Variants in VPS13A observed in about 807,000 individuals in gnomAD.
VPS13A encodes the protein vacuolar protein sorting 13 homolog A.
In VPS13A, 264 loss-of-function variants were observed where a neutral mutation model predicts 390.9. The observed-to-expected ratio is 0.68, with a 90% confidence interval of 0.61 to 0.75. The LOEUF is 0.75. Among genes scored for constraint, VPS13A ranks in the 30% least tolerant of loss-of-function variants. VPS13A has a pLI of 0.00. For synonymous variants in VPS13A, 1,231 were observed against 1,227.1 expected, an observed-to-expected ratio of 1.00 and a Z score of -0.07; for missense variants, 3,409 against 3,733.9, an observed-to-expected ratio of 0.91 and a Z score of 2.27.
intron 16 of VPS13A, 26 bp downstream of exon 16, chr9:77,227,511 T>A: frequency 2.7e-6 from 4 of 1,481,290 alleles, no homozygotes; most frequent in African/African-American, 1.4e-5. Flanking sequence ...GCCTTATACC[T>A]TAGAATATAT....
intron 68 of VPS13A, among the ~76,000 whole-genome samples, chr9:77,389,551 C>G (rs1485367013): frequency 6.6e-6 from 1 of 152,118 alleles, no homozygotes; most frequent in East Asian, 1.9e-4. Context: ...GCGATCCTAC[C>G]GCTTCAGCCT....
Position 77,227,468 on chromosome 9 carries a change from C to A in VPS13A, c.1435C>A (p.Pro479Thr). Residue 479 changes from proline to threonine, a missense_variant, in exon 16 of 72, where the codon CCA becomes ACA. Physicochemically the swap from Pro to Thr is conservative, Grantham distance 38. This residue lies in a region of VPS13A where 2,717 missense variants were observed against 2,917.4 expected (regional missense o/e 0.93). Coordinates refer to ENST00000360280, the MANE Select transcript of VPS13A (RefSeq NM_033305.3). ...TGGCTATAGTGAAACAGCAGTTGAT[C>A]CAACTTTACTAAAAACAGTAAGATG... ...AIGYSETAVD[P>T]TLLKTFEALK... The A allele has an allele frequency of 6.2e-7, 1 of 1,612,282 alleles. No homozygotes were observed. The highest frequency in any genetic ancestry group is 1.1e-5 in the South Asian group (1 of 91,040).
intron 41 of VPS13A, among the ~76,000 whole-genome samples, chr9:77,319,187 C>A (rs1353325468): frequency 1.6e-5 from 2 of 125,980 alleles, no homozygotes; most frequent in African/African-American, 6.2e-5. Context: ...CAAAGTGAGA[C>A]CCAGACTCAA....
At position 77,351,220 on chromosome 9, in the gene VPS13A, C is replaced by CA. The variant is rs1587639843; in HGVS notation, c.7290-96dup. 51 of 1,474,186 alleles carry CA rather than the reference C, an allele frequency of 3.5e-5. No homozygotes were observed. In the East Asian group the frequency reaches 1.2e-3, roughly 34 times the overall value. The allele number at this position is 1,474,186 out of a possible 1,614,324, so 91.3% of individuals were successfully genotyped here. A position where few individuals can be genotyped will look rare whatever the true frequency, so the allele number is the denominator to read the frequency against. On this transcript the variant is annotated intron_variant, in intron 52 of 71. Coordinates refer to ENST00000360280, the MANE Select transcript of VPS13A (RefSeq NM_033305.3). ...TTTTAATCAGAACGATCACAGATCT[C>CA]AGTGAACTAAGAATTAATGAAGTAT...
At position 77,250,148 on chromosome 9, in the gene VPS13A, A is replaced by G. The variant is rs549929120; in HGVS notation, c.2089A>G (p.Asn697Asp). The change falls in exon 21 of 72, where the codon AAT becomes GAT. Residue 697 changes from asparagine (N) to aspartate (D), a missense_variant. By Grantham distance (23) the Asn-to-Asp change is conservative (BLOSUM62 1). This residue lies in a region of VPS13A where 2,717 missense variants were observed against 2,917.4 expected (regional missense o/e 0.93). Coordinates refer to ENST00000360280, the MANE Select transcript of VPS13A (RefSeq NM_033305.3). ...ACCAGATGTGAAACAAGGTGAGGCC[A>G]ATCTTAAAGAGATAATGGATAGAGC... ...ELPDVKQGEA[N>D]LKEIMDRAYD... 4 of 1,613,968 alleles carry G rather than the reference A, an allele frequency of 2.5e-6. No homozygotes were observed. Among genetic ancestry groups the G allele is most frequent in the East Asian group, 4.5e-5 (2 of 44,820 alleles).
intron 52 of VPS13A, among the ~76,000 whole-genome samples, chr9:77,348,147 C>T (rs1362215321): frequency 6.6e-6 from 1 of 152,138 alleles, no homozygotes; most frequent in African/African-American, 2.4e-5. Flanking sequence ...GAATAGAAAT[C>T]ATTCTCTTAT....
At chr9:77,194,822 C>T (rs1824894396) in intron 1 of VPS13A, among the ~76,000 whole-genome samples, 1 of 152,186 alleles carries the variant, frequency 6.6e-6, no homozygotes. Flanking sequence ...TTCCAAAGAT[C>T]TGCTCAGAGT....
At chr9:77,316,889 A>T (rs1006801752) in intron 39 of VPS13A, among the ~76,000 whole-genome samples, 1 of 152,050 alleles carries the variant, frequency 6.6e-6, no homozygotes, top group Non-Finnish European at 1.5e-5. Flanking sequence ...TTTACTCTCT[A>T]GTAACCTCTT....
At chr9:77,316,594 G>C (rs1305432701) in intron 39 of VPS13A, among the ~76,000 whole-genome samples, 188 bp downstream of exon 39, 2 of 152,002 alleles carry the variant, frequency 1.3e-5, no homozygotes, top group Non-Finnish European at 2.9e-5. Flanking sequence ...TCCAGATGCT[G>C]CTCATTATTG....
At chr9:77,413,570 C>A (rs1587740124) in intron 71 of VPS13A, among the ~76,000 whole-genome samples, 2 of 152,178 alleles carry the variant, frequency 1.3e-5, no homozygotes, top group Admixed American at 1.3e-4. Context: ...CCCTTCCTTA[C>A]ACCTTATACA....
chr9:77,356,633 T>C (rs1831795687), intron 54 of VPS13A, 81 bp from the exon 55 acceptor site: 2 of 1,445,704 alleles, frequency 1.4e-6, no homozygotes, highest in African/African-American at 2.8e-5. Flanking sequence ...GTGAAGGTAT[T>C]GTAATTCATG....
At position 77,344,279 on chromosome 9, in the gene VPS13A, G is replaced by GA. The variant is rs778985780; in HGVS notation, c.7154dup (p.Leu2386AlafsTer24). On this transcript the variant is annotated frameshift_variant and splice_region_variant, in exon 51 of 72. Transcript: ENST00000360280. LOFTEE classifies it high-confidence loss of function. The stretch of plus-strand genomic sequence containing the variant: ...TTGTATTCTATTGCGTCTAGATAAC[G>GA]AGGTAAGTTTTTTTTTCTTTTTTGC... 3 of 1,612,846 alleles carry GA rather than the reference G, an allele frequency of 1.9e-6. No homozygotes were observed. In the African/African-American group the frequency reaches 4.0e-5, roughly 22 times the overall value.
intron 68 of VPS13A, chr9:77,390,016 C>G (rs1307538074): frequency 1.1e-6 from 1 of 930,564 alleles, no homozygotes; most frequent in Admixed American, 6.2e-5. Flanking sequence ...TAACTGCCGT[C>G]AGCCGACGTG....
chr9:77,267,242 CA>C (rs932132555), intron 23 of VPS13A, among the ~76,000 whole-genome samples: 3 of 152,114 alleles, frequency 2.0e-5, no homozygotes, highest in African/African-American at 7.2e-5. Context: ...GGAGAAGAGG[CA>C]TTCTGGTTTT....
chr9:77,262,701 G>A (rs1825825689), intron 23 of VPS13A, among the ~76,000 whole-genome samples: 1 of 152,014 alleles, frequency 6.6e-6, no homozygotes, highest in African/African-American at 2.4e-5. Flanking sequence ...TTATGTTCCT[G>A]TGTTAGTTTG....
At chr9:77,317,751 A>G in intron 40 of VPS13A, 53 bp downstream of exon 40, 4 of 1,350,224 alleles carry the variant, frequency 3.0e-6, no homozygotes, top group Non-Finnish European at 4.1e-6. Context: ...AAAAGTAGTA[A>G]AGCCTAGAAA....
rs1449270624 is a variant in VPS13A at position 77,256,987 on chromosome 9, AT to A, written c.2289-3096del. On this transcript the variant is annotated intron_variant, in intron 22 of 71. Transcript: ENST00000360280. ...TTTAATTGAGAAAAAATATATTTAC[AT>A]TTAAAGTAAATACAGATGGGGAGGA... Among the ~76,000 whole-genome samples, 3 of 152,010 alleles carry A rather than the reference AT, an allele frequency of 2.0e-5. No homozygotes were observed. In the East Asian group the frequency reaches 5.8e-4, roughly 29 times the overall value.
intron 59 of VPS13A, among the ~76,000 whole-genome samples, chr9:77,361,322 A>G (rs1290024315): frequency 6.6e-6 from 1 of 152,112 alleles, no homozygotes. Flanking sequence ...TTTCATACAA[A>G]TAGAATCATA....
rs1564644998 is a variant in VPS13A, at chr9:77,225,949, C to T, written c.1185C>T (p.Val395=). 6.2e-7 allele frequency: 1 copy of T among 1,611,940 alleles called. No homozygotes were observed. The change falls in exon 14 of 72, where the codon GTC becomes GTT. Residue 395 remains valine, a synonymous_variant. Coordinates refer to ENST00000360280, the MANE Select transcript of VPS13A (RefSeq NM_033305.3). ...SLEELEKTLD[V]FNITIARQTA... ...AGGAGTTGGAAAAAACCTTGGATGT[C>T]TTTAATATAACTATAGCTAGACAGA...
Sources: gnomAD v4.1 joint callset for allele counts (sites outside exome capture counted in the v4.1 genomes callset) on GRCh38, gnomAD v4.1.1 for gene constraint, gnomAD v4.1.1 regional missense constraint, MANE v1.5 for transcripts, NCBI Gene and HGNC (gene_info 2026-07-23, HGNC 2026-07-21) for gene names.